Variants in SNTG1 observed in about 807,000 individuals in gnomAD.
SNTG1 encodes the protein gamma-1-syntrophin.
Under a neutral mutation model 74.7 loss-of-function variants are expected in SNTG1, and 39 were observed. The ratio of observed to expected loss-of-function variants is 0.52; its 90% CI spans 0.40 to 0.68. The LOEUF is 0.68. SNTG1 is among the 30% of genes least tolerant of loss of function. SNTG1 has a pLI of 0.00. For missense variants in SNTG1, 685 were observed against 609.5 expected, an observed-to-expected ratio of 1.12 and a Z score of -1.30; for synonymous variants, 254 against 217.1, an observed-to-expected ratio of 1.17 and a Z score of -1.49.
intron 3 of SNTG1, among the ~76,000 whole-genome samples, chr8:50,394,846 CTT>C (rs10634199): frequency 7.0e-6 from 1 of 143,554 alleles, no homozygotes; most frequent in Admixed American, 6.9e-5. Context: ...GAAAAACTAA[CTT>C]TTTTTTTTTT....
chr8:50,615,632 A>G (rs1426767610), intron 13 of SNTG1, among the ~76,000 whole-genome samples: 2 of 152,222 alleles, frequency 1.3e-5, no homozygotes, highest in African/African-American at 2.4e-5. Flanking sequence ...AGCCTTTACA[A>G]GAAAGCATCA....
intron 1 of SNTG1, among the ~76,000 whole-genome samples, chr8:49,963,118 T>C (rs1810843903): frequency 1.3e-5 from 2 of 152,230 alleles, no homozygotes; most frequent in South Asian, 2.1e-4. Context: ...AAGGAATACA[T>C]GAGTGGATGC....
At chr8:50,185,631 T>C (rs995440739) in intron 2 of SNTG1, among the ~76,000 whole-genome samples, 3 of 152,154 alleles carry the variant, frequency 2.0e-5, no homozygotes, top group Non-Finnish European at 4.4e-5. Context: ...TATCAGACAA[T>C]ATAAGCAAAT....
At chr8:50,280,426 A>G (rs2088375257) in intron 2 of SNTG1, among the ~76,000 whole-genome samples, 1 of 152,196 alleles carries the variant, frequency 6.6e-6, no homozygotes, top group African/African-American at 2.4e-5. Context: ...ATAGCTGTAA[A>G]CAAAAACAGA....
intron 13 of SNTG1, chr8:50,644,351 C>G (rs1490182382): frequency 6.6e-6 from 1 of 152,322 alleles, no homozygotes; most frequent in African/African-American, 2.4e-5. Flanking sequence ...CCTGAGACAG[C>G]AAGACAAATA....
intron 18 of SNTG1, among the ~76,000 whole-genome samples, chr8:50,758,594 T>C (rs1171704701): frequency 6.6e-6 from 1 of 152,090 alleles, no homozygotes; most frequent in Non-Finnish European, 1.5e-5. Context: ...GTTCTTGTGT[T>C]ACTTTGCTGA....
At chr8:50,164,214 G>A (rs1323529353) in intron 1 of SNTG1, 1 of 149,508 alleles carries the variant, frequency 6.7e-6, no homozygotes, top group Non-Finnish European at 1.5e-5. Flanking sequence ...GTCTGAATTG[G>A]TCAAGGAGAA....
At chr8:50,511,271 G>A (rs1194942694) in intron 9 of SNTG1, among the ~76,000 whole-genome samples, 15 of 152,262 alleles carry the variant, frequency 9.9e-5, no homozygotes, top group Admixed American at 8.5e-4. Context: ...TTGCACTGTG[G>A]TCTGAGAGAG....
Position 50,190,982 on chromosome 8 carries a change from C to G in SNTG1, c.-28+18347C>G, listed in dbSNP as rs75148626. Among the ~76,000 whole-genome samples, 29 of 152,118 alleles carry G rather than the reference C, an allele frequency of 1.9e-4. No homozygotes were observed. In the East Asian group the frequency reaches 5.2e-3, roughly 27 times the overall value. On this transcript the variant is annotated intron_variant, in intron 2 of 18. Transcript: ENST00000642720. Reference sequence around the variant, plus strand: ...TGCCTTTCATTGCCATAAATTATGCCGGGTTATAGTATTATTTTCTGGATA... The same window carrying G: ...TGCCTTTCATTGCCATAAATTATGCGGGGTTATAGTATTATTTTCTGGATA...
intron 2 of SNTG1, among the ~76,000 whole-genome samples, chr8:50,311,040 C>A (rs1417222872): frequency 2.0e-5 from 3 of 152,246 alleles, no homozygotes; most frequent in Admixed American, 2.0e-4. Context: ...GTCCTGACTT[C>A]TGATTCATTG....
chr8:50,192,598 G>C (rs1253214380), intron 2 of SNTG1, among the ~76,000 whole-genome samples: 1 of 151,886 alleles, frequency 6.6e-6, no homozygotes, highest in Non-Finnish European at 1.5e-5. Flanking sequence ...CCCACTCTGT[G>C]GGTTGTCTGT....
intron 2 of SNTG1, among the ~76,000 whole-genome samples, chr8:50,292,736 C>T (rs2130575629): frequency 6.6e-6 from 1 of 152,160 alleles, no homozygotes; most frequent in South Asian, 2.1e-4. Flanking sequence ...TAATGTGCTC[C>T]TTGTGAAAGG....
intron 13 of SNTG1, among the ~76,000 whole-genome samples, chr8:50,639,254 CTTCT>C (rs2095057524): frequency 6.6e-6 from 1 of 150,424 alleles, no homozygotes; most frequent in Non-Finnish European, 1.5e-5. Context: ...ATTTCAGTGG[CTTCT>C]TTATTTTTAC....
At chr8:50,734,839 ATATATATGGACATATATATATC>A (rs2095522896) in intron 17 of SNTG1, among the ~76,000 whole-genome samples, 1 of 91,828 alleles carries the variant, frequency 1.1e-5, no homozygotes, top group South Asian at 3.6e-4. Context: ...ATATATATCT[ATATATATGGACATATATATATC>A]TATATATATG....
At chr8:50,434,377 T>A (rs1399990115) in intron 4 of SNTG1, among the ~76,000 whole-genome samples, 1 of 152,226 alleles carries the variant, frequency 6.6e-6, no homozygotes, top group African/African-American at 2.4e-5. Flanking sequence ...TATAGCAGCA[T>A]GATTTATAAT....
At chr8:49,925,487 G>A (rs1208407801) in intron 1 of SNTG1, among the ~76,000 whole-genome samples, 3 of 152,000 alleles carry the variant, frequency 2.0e-5, no homozygotes, top group African/African-American at 7.2e-5. Flanking sequence ...TGTGTGTGTG[G>A]AGTTCTGTGT....
In SNTG1 at chr8:50,689,582, A is replaced by G. The variant is rs972221431; in HGVS notation, c.1039-15018A>G. Among the ~76,000 whole-genome samples the G allele has an allele frequency of 2.0e-5, 3 of 149,236 alleles. No individual in the cohort carries two copies. The Admixed American group carries it at 2.0e-4, about 10-fold the overall frequency. Reference sequence around the variant, plus strand: ...TTTGCATATGTTGAACCAGCCTTGCATCCCGGGGATGAAGCCCACTTGATC... The same window carrying G: ...TTTGCATATGTTGAACCAGCCTTGCGTCCCGGGGATGAAGCCCACTTGATC... On this transcript the variant is annotated intron_variant, in intron 15 of 18. Transcript: ENST00000642720.
At chr8:50,644,607 A>G (rs1390603033) in intron 13 of SNTG1, among the ~76,000 whole-genome samples, 3 of 152,192 alleles carry the variant, frequency 2.0e-5, no homozygotes, top group Non-Finnish European at 2.9e-5. Context: ...ACAGTAGGCT[A>G]TTAATAGTAA....
chr8:50,785,410 A>G (rs1585794274), intron 18 of SNTG1, among the ~76,000 whole-genome samples: 2 of 152,134 alleles, frequency 1.3e-5, no homozygotes, highest in South Asian at 4.1e-4. Context: ...CTAAACATTT[A>G]CATAATTTAA....
Sources: gnomAD v4.1 joint callset for allele counts (sites outside exome capture counted in the v4.1 genomes callset) on GRCh38, gnomAD v4.1.1 for gene constraint, MANE v1.5 for transcripts, NCBI Gene and HGNC (gene_info 2026-07-23, HGNC 2026-07-21) for gene names.